CDH18: variants seen among roughly 807,000 people sequenced by gnomAD.
CDH18 encodes cadherin 18, also known as cadherin-18.
A neutral mutation model predicts 67.9 loss-of-function variants in CDH18; 31 were observed. The ratio of observed to expected loss-of-function variants is 0.46; its 90% confidence interval spans 0.34 to 0.62. CDH18 has a LOEUF of 0.62. Among genes scored for constraint, CDH18 ranks in the 20% least tolerant of loss-of-function variants. The probability of loss-of-function intolerance (pLI) is 0.01; values close to 1 mark genes in which losing one functional copy is unlikely to be tolerated. For synonymous variants in CDH18, 362 were observed against 347.2 expected (o/e 1.04, Z -0.48); for missense variants, 890 against 975.5 (o/e 0.91, Z 1.17).
At chr5:20,046,034 G>T (rs1740863839) in intron 2 of CDH18, among the ~76,000 whole-genome samples, 1 of 151,984 alleles carries the variant, frequency 6.6e-6, no homozygotes, top group South Asian at 2.1e-4. Context: ...GTTCACTCTG[G>T]CTACTGTGTG....
At chr5:20,250,439 C>T (rs1057092595) in intron 2 of CDH18, among the ~76,000 whole-genome samples, 11 of 151,790 alleles carry the variant, frequency 7.2e-5, no homozygotes, top group African/African-American at 2.7e-4. Context: ...ACTGCAGGCG[C>T]CCGCCACCAC....
chr5:19,683,456 T>G (rs925345831), intron 5 of CDH18, among the ~76,000 whole-genome samples: 2 of 152,076 alleles, frequency 1.3e-5, no homozygotes, highest in African/African-American at 4.8e-5. Flanking sequence ...TGTTTGTGAT[T>G]GTGGTCTTGC....
At chr5:20,350,799 GAAT>G (rs1036795748) in intron 1 of CDH18, among the ~76,000 whole-genome samples, 1 of 152,106 alleles carries the variant, frequency 6.6e-6, no homozygotes, top group Non-Finnish European at 1.5e-5. Flanking sequence ...GAGGAAGAAT[GAAT>G]ATTTATCAAA....
intron 2 of CDH18, among the ~76,000 whole-genome samples, chr5:20,160,598 A>G (rs2126609288): frequency 6.6e-6 from 1 of 152,326 alleles, no homozygotes; most frequent in Non-Finnish European, 1.5e-5. Context: ...CATTTTATCA[A>G]ATTTGGATTT....
intron 1 of CDH18, among the ~76,000 whole-genome samples, chr5:20,520,118 A>G (rs1378567313): frequency 6.6e-6 from 1 of 151,498 alleles, no homozygotes; most frequent in Non-Finnish European, 1.5e-5. Context: ...CCTTTTGAAA[A>G]GAGGGGATGA....
At chr5:19,813,043 G>C (rs1778910753) in intron 3 of CDH18, among the ~76,000 whole-genome samples, 1 of 152,038 alleles carries the variant, frequency 6.6e-6, no homozygotes, top group Non-Finnish European at 1.5e-5. Context: ...CACAGGAACA[G>C]AAAACCAAAC....
At chr5:20,006,170 T>C (rs1271333044) in intron 2 of CDH18, among the ~76,000 whole-genome samples, 2 of 151,902 alleles carry the variant, frequency 1.3e-5, no homozygotes, top group African/African-American at 4.8e-5. Context: ...GATAACAACT[T>C]GATTGGAGAA....
chr5:19,761,329 C>A (rs1275337410), intron 3 of CDH18, among the ~76,000 whole-genome samples: 2 of 152,102 alleles, frequency 1.3e-5, no homozygotes, highest in African/African-American at 2.4e-5. Context: ...TAGGAGTAAC[C>A]AACCAGCTTC....
chr5:19,769,261 C>T (rs1773460629), intron 3 of CDH18, among the ~76,000 whole-genome samples: 1 of 152,028 alleles, frequency 6.6e-6, no homozygotes, highest in Non-Finnish European at 1.5e-5. Context: ...ATATACATTG[C>T]TATCAAACTC....
At chr5:19,645,873 A>T (rs960313762) in intron 5 of CDH18, among the ~76,000 whole-genome samples, 15 of 152,230 alleles carry the variant, frequency 9.9e-5, no homozygotes, top group Non-Finnish European at 2.2e-4. Flanking sequence ...CTTTATAAAA[A>T]GGAAGAAGTA....
chr5:20,377,657 G>A (rs1286907640), intron 1 of CDH18, among the ~76,000 whole-genome samples: 1 of 152,168 alleles, frequency 6.6e-6, no homozygotes, highest in Non-Finnish European at 1.5e-5. Flanking sequence ...GACGCATCTA[G>A]CAGTGAGTAA....
In CDH18 at chr5:19,491,973, G is replaced by T. The variant is rs74435661; in HGVS notation, c.1631-8421C>A. Among the ~76,000 whole-genome samples the T allele has an allele frequency of 6.0e-3, 914 of 151,914 alleles. 8 individuals are homozygous for T. Among genetic ancestry groups the T allele is most frequent in the African/African-American group, 0.021 (879 of 41,460 alleles). ...TTATGTTGACTCATTTATTTTTAAA[G>T]AATTCAAGTATCTATGAGAATGGAA... On this transcript the variant is annotated intron_variant, in intron 11 of 12. Transcript: ENST00000382275.
intron 1 of CDH18, among the ~76,000 whole-genome samples, chr5:20,414,014 T>C (rs965768393): frequency 2.6e-5 from 4 of 152,136 alleles, no homozygotes; most frequent in African/African-American, 7.2e-5. Context: ...GGGATCCAAA[T>C]TGGCTATTAT....
chr5:19,899,577 C>T (rs1255923431), intron 2 of CDH18, among the ~76,000 whole-genome samples: 10 of 152,012 alleles, frequency 6.6e-5, no homozygotes, highest in Non-Finnish European at 1.5e-4. Flanking sequence ...AACACAATTA[C>T]CATAGAATTC....
Position 19,811,078 on chromosome 5 carries a change from AAAAG to A in CDH18, c.228+27677_228+27680del, listed in dbSNP as rs573517217. On this transcript the variant is annotated intron_variant, in intron 3 of 12. Transcript: ENST00000382275. ...AAGGAAAAGGGAAGGGAGAAAGAGA[AAAAG>A]AAAGAAAGAAAGAAAGAAAGAAAGA... Among the ~76,000 whole-genome samples the A allele has an allele frequency of 1.9e-3, 234 of 124,880 alleles. 3 individuals are homozygous for A. Among genetic ancestry groups the A allele is most frequent in the Middle Eastern group, 7.9e-3 (2 of 252 alleles). The allele number at this position is 124,880 out of a possible 152,430, so 81.9% of individuals were successfully genotyped here.
At chr5:20,191,150 TA>T (rs1351189319) in intron 2 of CDH18, among the ~76,000 whole-genome samples, 2 of 152,080 alleles carry the variant, frequency 1.3e-5, no homozygotes, top group Non-Finnish European at 2.9e-5. Context: ...TAATCATGGG[TA>T]AAAAGCTGAA....
intron 1 of CDH18, among the ~76,000 whole-genome samples, chr5:20,456,541 C>T (rs1377437020): frequency 6.6e-6 from 1 of 152,022 alleles, no homozygotes; most frequent in Non-Finnish European, 1.5e-5. Context: ...AACATGAATG[C>T]AAATTCTCAG....
chr5:19,774,420 A>ATACAAT (rs1774060743), intron 3 of CDH18, among the ~76,000 whole-genome samples: 5 of 98,860 alleles, frequency 5.1e-5, no homozygotes, highest in African/African-American at 2.0e-4. Context: ...CAAAAATAAA[A>ATACAAT]TAAAATTAAA....
chr5:20,531,955 C>A (rs145269586), intron 1 of CDH18, among the ~76,000 whole-genome samples: 28 of 151,754 alleles, frequency 1.8e-4, no homozygotes, highest in Admixed American at 7.9e-4. Flanking sequence ...ATATTTTCAT[C>A]CAGGTGCAAA....
Sources: gnomAD v4.1 joint callset for allele counts (sites outside exome capture counted in the v4.1 genomes callset) on GRCh38, gnomAD v4.1.1 for gene constraint, MANE v1.5 for transcripts, NCBI Gene and HGNC (gene_info 2026-07-23, HGNC 2026-07-21) for gene names.